Variants in TUSC3 observed in about 807,000 individuals in gnomAD.
The protein encoded by TUSC3 is dolichyl-diphosphooligosaccharide--protein glycosyltransferase subunit TUSC3.
TUSC3 carries 45 observed loss-of-function variants against 44.8 expected under a neutral mutation model. The observed-to-expected ratio is 1.00, with a 90% confidence interval of 0.79 to 1.29. TUSC3 has a LOEUF of 1.29. Among genes scored for constraint, TUSC3 ranks in the 50% most tolerant of loss-of-function variants. The pLI is 0.00. For missense variants in TUSC3, 519 were observed against 437.9 expected, an observed-to-expected ratio of 1.19 and a Z score of -1.65; for synonymous variants, 212 against 152.9, an observed-to-expected ratio of 1.39 and a Z score of -2.85.
chr8:15,692,875 G>C (rs969170941), intron 6 of TUSC3, among the ~76,000 whole-genome samples: 1 of 152,198 alleles, frequency 6.6e-6, no homozygotes, highest in African/African-American at 2.4e-5. Flanking sequence ...AAGATAGTTA[G>C]ATCCTCTCGT....
the TUSC3 span, among the ~76,000 whole-genome samples, chr8:15,777,268 C>A: frequency 1.4e-4 from 22 of 152,086 alleles, no homozygotes; most frequent in Non-Finnish European, 1.9e-4. Flanking sequence ...ACTTCCCCCC[C>A]ACCTTTTCGG....
At chr8:15,645,965 G>T (rs372195231) in intron 2 of TUSC3, among the ~76,000 whole-genome samples, 1 of 151,974 alleles carries the variant, frequency 6.6e-6, no homozygotes, top group Non-Finnish European at 1.5e-5. Context: ...ATAGTGGCTG[G>T]CTATGAAACT....
chr8:15,521,711 C>T (rs1801302579), intron 2 of TUSC3, among the ~76,000 whole-genome samples: 1 of 152,172 alleles, frequency 6.6e-6, no homozygotes, highest in Admixed American at 6.5e-5. Context: ...CCACTGGTTA[C>T]ACAAGCTTTC....
At chr8:15,599,331 C>G (rs1396716324) in intron 1 of TUSC3, among the ~76,000 whole-genome samples, 1 of 151,648 alleles carries the variant, frequency 6.6e-6, no homozygotes. Flanking sequence ...TGTAACAGTT[C>G]TTTATCAGAT....
chr8:15,431,972 A>T (rs1189498937), intron 1 of TUSC3, among the ~76,000 whole-genome samples: 2 of 149,110 alleles, frequency 1.3e-5, no homozygotes, highest in Admixed American at 7.1e-5. Context: ...CATGAATCTC[A>T]CTTAATTGTG....
intron 1 of TUSC3, among the ~76,000 whole-genome samples, chr8:15,619,835 G>A (rs1478258567): frequency 6.6e-6 from 1 of 152,004 alleles, no homozygotes; most frequent in Non-Finnish European, 1.5e-5. Context: ...TTAATCTCTT[G>A]TATAGGACAG....
At chr8:15,471,102 G>A (rs1406683545) in intron 1 of TUSC3, among the ~76,000 whole-genome samples, 1 of 144,372 alleles carries the variant, frequency 6.9e-6, no homozygotes, top group East Asian at 2.0e-4. Flanking sequence ...TTTACTAACT[G>A]TGTGGTCAGA....
chr8:15,838,584 G>A, the TUSC3 span, among the ~76,000 whole-genome samples: 2 of 152,156 alleles, frequency 1.3e-5, no homozygotes. Context: ...GAGCTAGCCA[G>A]TTTTCGCAGC....
intron 7 of TUSC3, among the ~76,000 whole-genome samples, chr8:15,742,507 C>G (rs528678127): frequency 3.3e-5 from 5 of 152,112 alleles, no homozygotes; most frequent in Non-Finnish European, 7.4e-5. Flanking sequence ...AAACAAGACT[C>G]AGAGAGGAAA....
chr8:15,848,991 G>GT, the TUSC3 span, among the ~76,000 whole-genome samples: 1 of 152,070 alleles, frequency 6.6e-6, no homozygotes, highest in Admixed American at 6.6e-5. Flanking sequence ...ATTCTGACAC[G>GT]TATTTCTATA....
chr8:15,749,221 G>T (rs1157562078), intron 9 of TUSC3, among the ~76,000 whole-genome samples: 1 of 152,026 alleles, frequency 6.6e-6, no homozygotes, highest in African/African-American at 2.4e-5. Context: ...AGATTTTGAA[G>T]ACTCTGGTTA....
At chr8:15,462,777 G>T (rs1408908028) in intron 1 of TUSC3, among the ~76,000 whole-genome samples, 1 of 151,992 alleles carries the variant, frequency 6.6e-6, no homozygotes, top group East Asian at 1.9e-4. Flanking sequence ...TAAAGCTTTT[G>T]CTTCAGAAAT....
At chr8:15,704,080 T>G (rs1809514629) in intron 6 of TUSC3, among the ~76,000 whole-genome samples, 1 of 152,038 alleles carries the variant, frequency 6.6e-6, no homozygotes, top group Admixed American at 6.6e-5. Flanking sequence ...TTGAGAAAAG[T>G]AAAGCAGAGT....
chr8:15,580,866 C>T lies in TUSC3; in HGVS notation c.138+40298C>T, dbSNP rs547050748. 2.8e-5 allele frequency among the ~76,000 whole-genome samples: 4 copies of T among 143,064 alleles called. No individual in the cohort carries two copies. In the South Asian group the frequency reaches 6.7e-4, roughly 24 times the overall value. 93.9% of individuals were successfully genotyped at this position (143,064 alleles called of 152,430 possible). Reference sequence around the variant, plus strand: ...TTTCCTTAATCTGAACGTTGGCCTGCCTTGCTAGATTGGGGAAGTTCTCCT... The same window carrying T: ...TTTCCTTAATCTGAACGTTGGCCTGTCTTGCTAGATTGGGGAAGTTCTCCT... On this transcript the variant is annotated intron_variant, in intron 1 of 10. Coordinates refer to ENST00000503731, the MANE Select transcript of TUSC3 (RefSeq NM_006765.4).
intron 2 of TUSC3, among the ~76,000 whole-genome samples, chr8:15,494,004 G>C (rs1585064994): frequency 6.6e-6 from 1 of 152,216 alleles, no homozygotes; most frequent in East Asian, 1.9e-4. Context: ...ACACAACATG[G>C]TATTATTTGC....
At chr8:15,784,920 GAAAT>G in the TUSC3 span, among the ~76,000 whole-genome samples, 22 of 151,992 alleles carry the variant, frequency 1.4e-4, no homozygotes, top group African/African-American at 3.9e-4. Context: ...TCATTACAAA[GAAAT>G]AAGTATGTGA....
intron 10 of TUSC3, chr8:15,758,198 T>G: frequency 2.9e-6 from 3 of 1,023,252 alleles, no homozygotes; most frequent in Non-Finnish European, 3.5e-6. Flanking sequence ...CTAGGAAAAA[T>G]GTAGCCAAAT....
At chr8:15,630,699 C>A (rs1023152180) in intron 2 of TUSC3, among the ~76,000 whole-genome samples, 5 of 151,996 alleles carry the variant, frequency 3.3e-5, no homozygotes, top group Admixed American at 6.5e-5. Flanking sequence ...TGTTCCTAAC[C>A]AAGATTATTA....
chr8:15,572,529 C>T (rs750510046), intron 1 of TUSC3, among the ~76,000 whole-genome samples: 4 of 152,158 alleles, frequency 2.6e-5, no homozygotes, highest in Non-Finnish European at 4.4e-5. Flanking sequence ...ACTGGAGTAG[C>T]ACTTTAAATT....
Sources: allele counts gnomAD v4.1 joint callset (sites outside exome capture counted in the v4.1 genomes callset), GRCh38; gene constraint gnomAD v4.1.1; transcripts MANE v1.5; gene names NCBI Gene and HGNC (gene_info 2026-07-23, HGNC 2026-07-21).